ADIPOR1: variants seen among roughly 807,000 people sequenced by gnomAD.
ADIPOR1 encodes adiponectin receptor protein 1.
Under a neutral mutation model 37.5 loss-of-function variants are expected in ADIPOR1, and 15 were observed. That is an observed-to-expected ratio of 0.40 (90% CI 0.27 to 0.62). The LOEUF (loss-of-function observed/expected upper bound fraction) is 0.62. Among genes scored for constraint, ADIPOR1 ranks in the 20% least tolerant of loss-of-function variants. The probability of loss-of-function intolerance (pLI) is 0.42; values close to 1 mark genes in which losing one functional copy is unlikely to be tolerated. For synonymous variants in ADIPOR1, 173 were observed against 173.2 expected, an observed-to-expected ratio of 1.00 and a Z score of 0.01; for missense variants, 286 against 478.0, an observed-to-expected ratio of 0.60 and a Z score of 3.75.
chr1:202,957,678 T>C (rs1339898931), intron 1 of ADIPOR1, among the ~76,000 whole-genome samples: 1 of 152,050 alleles, frequency 6.6e-6, no homozygotes, highest in Admixed American at 6.5e-5. Context: ...CCCATCAAAG[T>C]GAGGGCACTG....
At position 202,941,667 on chromosome 1, in the gene ADIPOR1, A is replaced by T. The variant is rs1406780293; in HGVS notation, c.1034T>A (p.Val345Glu). The change falls in exon 8 of 8, where the codon GTG becomes GAG. Residue 345 changes from valine to glutamate, a missense_variant. Coordinates refer to ENST00000340990, the MANE Select transcript of ADIPOR1 (RefSeq NM_015999.6). ...ATAGAAGTGGACAAAGGCTGCTGCC[A>T]CCACCAGGACATGGAAAATCTGATG... ...QSHQIFHVLV[V>E]AAAFVHFYGV... 6.2e-7 allele frequency: 1 copy of T among 1,614,196 alleles called. No individual in the cohort carries two copies. The highest frequency in any genetic ancestry group is 1.3e-5 in the African/African-American group (1 of 75,064).
chr1:202,941,951 A>AC, intron 7 of ADIPOR1, 74 bp downstream of exon 7: 1 of 1,470,250 alleles, frequency 6.8e-7, no homozygotes, highest in Non-Finnish European at 9.2e-7. Flanking sequence ...GTCTCATACC[A>AC]CCTTTTCCTC....
In ADIPOR1 at chr1:202,945,013, T is replaced by C; in HGVS notation, c.587A>G (p.His196Arg). The change falls in exon 5 of 8, where the codon CAT (histidine) becomes CGT (arginine). Residue 196 changes from histidine (H) to arginine (R), a missense_variant. His to Arg is a conservative substitution (Grantham distance 29). Transcript: ENST00000340990. ...FSWLFHTVYC[H>R]SEKVSRTFSK... The stretch of plus-strand genomic sequence containing the variant: ...AAAAGTCCGAGAGACTTTCTCTGAA[T>C]GACAATAGACGGTGTGAAAGAGCCA... 1.2e-6 allele frequency: 2 copies of C among 1,610,836 alleles called. No individual in the cohort carries two copies. Among genetic ancestry groups the C allele is most frequent in the South Asian group, 2.2e-5 (2 of 90,894 alleles).
Position 202,941,538 on chromosome 1 carries a change from G to A in ADIPOR1, c.*35C>T, listed in dbSNP as rs377103417. 7.6e-6 allele frequency: 12 copies of A among 1,582,766 alleles called. No homozygotes were observed. In the African/African-American group the frequency reaches 1.4e-4, roughly 18 times the overall value. ...AAAGAAGTTATTTTTAAAAGCACTTGGGAAGTTCCTCCTCCACCCCGCAGG... is the reference window on the plus strand; with the variant it reads ...AAAGAAGTTATTTTTAAAAGCACTTAGGAAGTTCCTCCTCCACCCCGCAGG... On this transcript the variant is annotated 3_prime_UTR_variant, in exon 8 of 8. Coordinates refer to ENST00000340990, the MANE Select transcript of ADIPOR1 (RefSeq NM_015999.6).
chr1:202,942,248 C>A, intron 6 of ADIPOR1, 30 bp from the exon 7 acceptor site: 1 of 1,564,264 alleles, frequency 6.4e-7, no homozygotes, highest in Non-Finnish European at 8.7e-7. Context: ...GACTGTCAAA[C>A]AAGGAAACAG....
intron 6 of ADIPOR1, 75 bp downstream of exon 6, chr1:202,943,683 A>C: frequency 6.7e-7 from 1 of 1,497,306 alleles, no homozygotes; most frequent in Non-Finnish European, 9.0e-7. Context: ...GCAAACCTTA[A>C]GGCTCAAATA....
At chr1:202,942,871 CTTT>C (rs10682231) in intron 6 of ADIPOR1, among the ~76,000 whole-genome samples, 13 of 116,778 alleles carry the variant, frequency 1.1e-4, no homozygotes, top group Non-Finnish European at 7.7e-5. Context: ...TTCTTTCTTT[CTTT>C]TTTTTTTTTG....
intron 7 of ADIPOR1, 55 bp from the exon 8 acceptor site, chr1:202,941,756 C>G: frequency 6.4e-7 from 1 of 1,562,126 alleles, no homozygotes. Flanking sequence ...GAATAAGAAA[C>G]AAGTAGGAGA....
At chr1:202,949,579 CAAA>C (rs57643319) in intron 2 of ADIPOR1, among the ~76,000 whole-genome samples, 1 of 99,138 alleles carries the variant, frequency 1.0e-5, no homozygotes, top group Non-Finnish European at 2.0e-5. Flanking sequence ...ACTCTGTCTC[CAAA>C]AAAAAAAAAA....
At position 202,942,040 on chromosome 1, in the gene ADIPOR1, T is replaced by C. The variant is rs2102480177; in HGVS notation, c.984A>G (p.Gly328=). The C allele has an allele frequency of 6.2e-7, 1 of 1,611,886 alleles. No individual in the cohort carries two copies. The highest frequency in any genetic ancestry group is 1.1e-5 in the South Asian group (1 of 90,918). ...AARIPERFFP[G]KFDIWFQSHQ... Reference sequence around the variant, plus strand: ...CATTTCTTACCCATATGTCAAATTTTCCAGGAAAGAAGCGCTCAGGAATTC... The same window carrying C: ...CATTTCTTACCCATATGTCAAATTTCCCAGGAAAGAAGCGCTCAGGAATTC... Residue 328 remains glycine (G), a synonymous_variant, in exon 7 of 8, where the codon GGA becomes GGG. Coordinates refer to ENST00000340990, the MANE Select transcript of ADIPOR1 (RefSeq NM_015999.6).
chr1:202,957,816 C>G (rs1420931950), intron 1 of ADIPOR1, among the ~76,000 whole-genome samples: 1 of 152,184 alleles, frequency 6.6e-6, no homozygotes, highest in African/African-American at 2.4e-5. Context: ...CCACGCGCGG[C>G]GGCCTCGGGG....
At position 202,941,090 on chromosome 1, in the gene ADIPOR1, C is replaced by T. The variant is rs1230702951; in HGVS notation, c.*483G>A. ...TATTCTTCCTGCTCTATAAGCAGATCCAGGCCCTAGAAAGATGGGACCAGG... is the reference window on the plus strand; with the variant it reads ...TATTCTTCCTGCTCTATAAGCAGATTCAGGCCCTAGAAAGATGGGACCAGG... On this transcript the variant is annotated 3_prime_UTR_variant, in exon 8 of 8. Coordinates refer to ENST00000340990, the MANE Select transcript of ADIPOR1 (RefSeq NM_015999.6). The T allele has an allele frequency of 1.3e-5, 2 of 152,624 alleles. No homozygotes were observed. Among genetic ancestry groups the T allele is most frequent in the African/African-American group, 4.8e-5 (2 of 41,406 alleles). 9.5% of individuals were successfully genotyped at this position (152,624 alleles called of 1,614,324 possible).
chr1:202,945,153 G>C lies in ADIPOR1; in HGVS notation c.447C>G (p.Leu149=), dbSNP rs973430800. The C allele has an allele frequency of 3.1e-6, 5 of 1,609,390 alleles. No homozygotes were observed. The African/African-American group carries it at 5.4e-5, about 17-fold the overall frequency. Residue 149 remains leucine (L), a synonymous_variant, in exon 5 of 8, where the codon CTC becomes CTG. Coordinates refer to ENST00000340990, the MANE Select transcript of ADIPOR1 (RefSeq NM_015999.6). ...TGAGCATGGTCAAGATTCCCAAAAAGAGAAACAGCACGAAACCTGCAGGAG... is the reference window on the plus strand; with the variant it reads ...TGAGCATGGTCAAGATTCCCAAAAACAGAAACAGCACGAAACCTGCAGGAG... The part of the protein sequence containing the change: ...WTHLLGFVLF[L]FLGILTMLRP...
rs367589007 is a variant in ADIPOR1, at chr1:202,946,658, C to T, written c.259-48G>A. On this transcript the variant is annotated intron_variant, in intron 3 of 7. Coordinates refer to ENST00000340990, the MANE Select transcript of ADIPOR1 (RefSeq NM_015999.6). ...GGGTAGGGCACTAGATAGTACCTTC[C>T]CCAAGGACAAGCAGTGATGGAGAAC... The T allele has an allele frequency of 4.4e-6, 7 of 1,594,364 alleles. No homozygotes were observed. In the African/African-American group the frequency reaches 5.4e-5, roughly 12 times the overall value.
Position 202,941,752 on chromosome 1 carries a change from G to A in ADIPOR1, c.1000-51C>T, listed in dbSNP as rs768576217. 5 of 1,569,480 alleles carry A rather than the reference G, an allele frequency of 3.2e-6. No individual in the cohort carries two copies. In the South Asian group the frequency reaches 4.8e-5, roughly 15 times the overall value. On this transcript the variant is annotated intron_variant, in intron 7 of 7. Coordinates refer to ENST00000340990, the MANE Select transcript of ADIPOR1 (RefSeq NM_015999.6). ...TTTAGGATAATGCAAGGAGGAATAA[G>A]AAACAAGTAGGAGAAAGCATTTGCT...
chr1:202,957,325 C>T (rs1473131963), intron 1 of ADIPOR1, among the ~76,000 whole-genome samples: 3 of 152,220 alleles, frequency 2.0e-5, no homozygotes, highest in Non-Finnish European at 4.4e-5. Context: ...TCTAGCCCGT[C>T]TTCTGAATCA....
At position 202,948,303 on chromosome 1, in the gene ADIPOR1, C is replaced by T; in HGVS notation, c.258+1G>A. The stretch of plus-strand genomic sequence containing the variant: ...CCAGGACAGAAGCTCATAGGCCATA[C>T]CTTGTACACAAACTCTTCCATCTTC... On this transcript the variant is annotated splice_donor_variant, in intron 3 of 7. Transcript: ENST00000340990. LOFTEE classifies it high-confidence loss of function. 1 of 1,604,740 alleles carries T rather than the reference C, an allele frequency of 6.2e-7. No homozygotes were observed. Among genetic ancestry groups the T allele is most frequent in the Non-Finnish European group, 8.5e-7 (1 of 1,174,928 alleles).
intron 1 of ADIPOR1, among the ~76,000 whole-genome samples, chr1:202,956,779 T>C (rs187379200): frequency 4.0e-4 from 61 of 152,256 alleles, no homozygotes; most frequent in Non-Finnish European, 8.4e-4. Context: ...AGGCCAGACT[T>C]AAAAAACTGA....
intron 1 of ADIPOR1, 37 bp from the exon 2 acceptor site, chr1:202,951,201 A>G (rs1654569115): frequency 2.8e-6 from 3 of 1,062,242 alleles, no homozygotes; most frequent in Non-Finnish European, 4.1e-6. Context: ...TTGACAATTT[A>G]TTCCTCTTAC....
Sources: gnomAD v4.1 joint callset for allele counts (sites outside exome capture counted in the v4.1 genomes callset) on GRCh38, gnomAD v4.1.1 for gene constraint, MANE v1.5 for transcripts, NCBI Gene and HGNC (gene_info 2026-07-23, HGNC 2026-07-21) for gene names.